The following SAMD3 variants were observed in gnomAD, a reference collection of about 807,000 sequenced individuals.
SAMD3 encodes the protein sterile alpha motif domain containing 3.
In SAMD3, 63 loss-of-function variants were observed where a neutral mutation model predicts 58.5. The observed-to-expected ratio is 1.08, with a 90% CI of 0.88 to 1.33. The LOEUF (loss-of-function observed/expected upper bound fraction) is 1.33. Ranked by LOEUF, SAMD3 falls within the 40% of genes most tolerant of loss-of-function variation. SAMD3 has a pLI of 0.00. For missense variants in SAMD3, 604 were observed against 608.4 expected, an observed-to-expected ratio of 0.99 and a Z score of 0.08; for synonymous variants, 220 against 210.3, an observed-to-expected ratio of 1.05 and a Z score of -0.40.
At chr6:130,203,364 G>A (rs1367096409) in intron 5 of SAMD3, among the ~76,000 whole-genome samples, 4 of 152,148 alleles carry the variant, frequency 2.6e-5, no homozygotes, top group Non-Finnish European at 2.9e-5. Context: ...TTACTCAGCT[G>A]GTAAATGACA....
intron 2 of SAMD3, among the ~76,000 whole-genome samples, chr6:130,293,658 T>C (rs1554271885): frequency 1.1e-5 from 1 of 90,304 alleles, no homozygotes; most frequent in South Asian, 4.2e-4. Context: ...TCCTGAAAGA[T>C]GTAGGATAAT....
intron 8 of SAMD3, among the ~76,000 whole-genome samples, chr6:130,156,456 GC>G (rs1342934954): frequency 6.6e-6 from 1 of 152,198 alleles, no homozygotes; most frequent in African/African-American, 2.4e-5. Context: ...GAACAAAGTT[GC>G]AGATATTAGA....
Position 130,189,933 on chromosome 6 carries a change from T to C in SAMD3, c.384-5310A>G, listed in dbSNP as rs775911459. Among the ~76,000 whole-genome samples the C allele has an allele frequency of 6.6e-5, 10 of 152,222 alleles. 1 individual carries two copies. Among genetic ancestry groups the C allele is most frequent in the Admixed American group, 1.3e-4 (2 of 15,280 alleles). ...GCTTTTGGCCTGAAGGCAGGCCTCA[T>C]GCTGTGCTGCCAAAACTCTAATAGA... On this transcript the variant is annotated intron_variant, in intron 5 of 11. Transcript: ENST00000439090.
intron 2 of SAMD3, among the ~76,000 whole-genome samples, chr6:130,270,413 A>G (rs6913808): frequency 0.3 from 46,069 of 152,120 alleles, 7,333 homozygotes; most frequent in East Asian, 0.47. Context: ...AGTAGTCCAC[A>G]TGAAACTATG....
intron 2 of SAMD3, among the ~76,000 whole-genome samples, chr6:130,253,217 T>C (rs536371256): frequency 6.6e-6 from 1 of 152,294 alleles, no homozygotes; most frequent in South Asian, 2.1e-4. Context: ...GTAGAAGTAA[T>C]TTGAAATAAG....
At chr6:130,281,918 C>T (rs570071351) in intron 2 of SAMD3, among the ~76,000 whole-genome samples, 18 of 152,120 alleles carry the variant, frequency 1.2e-4, no homozygotes, top group African/African-American at 3.4e-4. Flanking sequence ...TAAGCTTATG[C>T]GCCAGTGGAA....
chr6:130,239,604 G>A (rs1022232302), intron 2 of SAMD3, among the ~76,000 whole-genome samples: 1 of 152,110 alleles, frequency 6.6e-6, no homozygotes, highest in Non-Finnish European at 1.5e-5. Flanking sequence ...CACTGTAGAG[G>A]GGAGGTAAGA....
intron 9 of SAMD3, among the ~76,000 whole-genome samples, chr6:130,149,334 TAAAAC>T (rs1352190732): frequency 6.6e-6 from 1 of 152,158 alleles, no homozygotes; most frequent in Non-Finnish European, 1.5e-5. Context: ...TCAAAGAACT[TAAAAC>T]AGAGCTACCA....
chr6:130,285,120 G>T (rs1017871706), intron 2 of SAMD3, among the ~76,000 whole-genome samples: 1 of 152,186 alleles, frequency 6.6e-6, no homozygotes, highest in African/African-American at 2.4e-5. Flanking sequence ...AATTCCATCT[G>T]ATCATTCCAT....
At chr6:130,221,949 C>A (rs1003613547) in intron 1 of SAMD3, among the ~76,000 whole-genome samples, 2 of 152,296 alleles carry the variant, frequency 1.3e-5, no homozygotes, top group East Asian at 1.9e-4. Context: ...ATACCATCTT[C>A]ATTTATTCCA....
chr6:130,308,693 C>T (rs1318533346), intron 2 of SAMD3, among the ~76,000 whole-genome samples: 1 of 151,982 alleles, frequency 6.6e-6, no homozygotes, highest in Non-Finnish European at 1.5e-5. Flanking sequence ...AATGAATTGA[C>T]CCCAATATAG....
intron 1 of SAMD3, among the ~76,000 whole-genome samples, chr6:130,349,146 C>A (rs1415049467): frequency 1.3e-5 from 2 of 152,082 alleles, no homozygotes; most frequent in Admixed American, 6.5e-5. Context: ...AAAATGGACA[C>A]CCTAACATCA....
At chr6:130,270,114 C>T (rs1774507037) in intron 2 of SAMD3, among the ~76,000 whole-genome samples, 1 of 152,054 alleles carries the variant, frequency 6.6e-6, no homozygotes, top group Non-Finnish European at 1.5e-5. Context: ...CAGAGTGTGA[C>T]AGTGTGTCAC....
chr6:130,205,154 T>TAAAAAAAA (rs10680576), intron 5 of SAMD3, among the ~76,000 whole-genome samples: 8 of 138,198 alleles, frequency 5.8e-5, no homozygotes, highest in African/African-American at 2.2e-4. Context: ...TTTGGCTCTG[T>TAAAAAAAA]AAAAAAAAAA....
At chr6:130,143,101 G>A (rs575910971), downstream of SAMD3, 26 of 152,288 alleles carry the variant, frequency 1.7e-4, no homozygotes, top group African/African-American at 5.5e-4. Flanking sequence ...TGGCTTTAGC[G>A]TTTTAATGAA....
At chr6:130,200,254 T>G (rs937300634) in intron 5 of SAMD3, among the ~76,000 whole-genome samples, 3 of 152,018 alleles carry the variant, frequency 2.0e-5, no homozygotes, top group Non-Finnish European at 4.4e-5. Flanking sequence ...CAGTCCCTCT[T>G]TTCTTTTTTT....
intron 1 of SAMD3, among the ~76,000 whole-genome samples, chr6:130,344,017 C>T (rs1417026558): frequency 6.6e-6 from 1 of 151,702 alleles, no homozygotes; most frequent in Admixed American, 6.6e-5. Context: ...CTCAATAACC[C>T]CCATAAGAGA....
At chr6:130,309,693 G>T (rs1384029461) in intron 2 of SAMD3, among the ~76,000 whole-genome samples, 1 of 152,194 alleles carries the variant, frequency 6.6e-6, no homozygotes, top group East Asian at 1.9e-4. Flanking sequence ...CCAGAGGAAA[G>T]AAGTAAACTT....
intron 1 of SAMD3, among the ~76,000 whole-genome samples, chr6:130,340,213 A>G (rs1185242372): frequency 2.6e-5 from 4 of 152,252 alleles, no homozygotes; most frequent in African/African-American, 9.6e-5. Context: ...CTGGAACCAA[A>G]AGTCCACAAT....
Sources: allele counts gnomAD v4.1 joint callset (sites outside exome capture counted in the v4.1 genomes callset), GRCh38; gene constraint gnomAD v4.1.1; transcripts MANE v1.5; gene names NCBI Gene and HGNC (gene_info 2026-07-23, HGNC 2026-07-21).